The following MAP7D3 variants were observed in gnomAD, a reference collection of about 807,000 sequenced individuals.
MAP7D3 encodes the protein MAP7 domain-containing protein 3.
A neutral mutation model predicts 62.2 loss-of-function variants in MAP7D3; 45 were observed. The ratio of observed to expected loss-of-function variants is 0.72; its 90% CI spans 0.57 to 0.93. The LOEUF (loss-of-function observed/expected upper bound fraction) is 0.93, where lower values mean the gene tolerates loss of function less well. MAP7D3 is among the 40% of genes least tolerant of loss of function. The probability of loss-of-function intolerance (pLI) is 0.00; values close to 1 mark genes in which losing one functional copy is unlikely to be tolerated. For synonymous variants in MAP7D3, 288 were observed against 248.8 expected (o/e 1.16, Z -1.48); for missense variants, 711 against 683.1 (o/e 1.04, Z -0.45).
chrX:136,231,626 G>C lies in MAP7D3; in HGVS notation c.1331C>G (p.Ala444Gly). The part of the protein sequence containing the change: ...PKESMEASPE[A>G]MVKASPKTSL... Reference sequence around the variant, plus strand: ...TGTCTTGGGGGATGCTTTCACCATCGCCTCAGGAGATGCCTCCATGCTCTC... The same window carrying C: ...TGTCTTGGGGGATGCTTTCACCATCCCCTCAGGAGATGCCTCCATGCTCTC... The change falls in exon 8 of 19, where the codon GCG becomes GGG. Residue 444 changes from alanine (A) to glycine (G), a missense_variant. Coordinates refer to ENST00000316077, the MANE Select transcript of MAP7D3 (RefSeq NM_024597.4). 1 of 1,210,208 alleles carries C rather than the reference G, an allele frequency of 8.3e-7. No homozygotes were observed. Among genetic ancestry groups the C allele is most frequent in the Non-Finnish European group, 1.1e-6 (1 of 894,676 alleles).
intron 1 of MAP7D3, among the ~76,000 whole-genome samples, chrX:136,247,545 C>A (rs975681169): frequency 5.5e-5 from 6 of 109,088 alleles, no homozygotes; most frequent in South Asian, 4.0e-4. Context: ...TATTTTACAG[C>A]ATAATCTTGA....
At chrX:136,239,544 A>G (rs750311553) in intron 6 of MAP7D3, among the ~76,000 whole-genome samples, 47 of 112,215 alleles carry the variant, frequency 4.2e-4, no homozygotes, top group African/African-American at 1.4e-3. Flanking sequence ...AAATCACTGA[A>G]TTTCTTGGAG....
chrX:136,242,839 C>T (rs1170678888), intron 4 of MAP7D3, among the ~76,000 whole-genome samples: 1 of 112,012 alleles, frequency 8.9e-6, no homozygotes, highest in African/African-American at 3.2e-5. Context: ...CATTCTCTCT[C>T]TTTCTCTGGC....
Position 136,227,380 on chromosome X carries a change from T to G in MAP7D3, c.1938A>C (p.Ala646=). Residue 646 remains alanine (A), a synonymous_variant, in exon 12 of 19, where the codon GCA becomes GCC. Coordinates refer to ENST00000316077, the MANE Select transcript of MAP7D3 (RefSeq NM_024597.4). ...DMAKEAVGGQ[A]EDHLKLKDGQ... is the part of the protein sequence containing the mutation. ...CATCTTTGAGTTTCAAGTGGTCTTC[T>G]GCTTGGCCTCCAACTGCTTCCTTTG... 2 of 1,197,980 alleles carry G rather than the reference T, an allele frequency of 1.7e-6. No individual in the cohort carries two copies. The highest frequency in any genetic ancestry group is 3.5e-5 in the South Asian group (2 of 56,516).
Position 136,231,603 on chromosome X carries a change from T to C in MAP7D3, c.1354A>G (p.Thr452Ala). 8.3e-7 allele frequency: 1 copy of C among 1,210,102 alleles called. No individual in the cohort carries two copies. Among genetic ancestry groups the C allele is most frequent in the Non-Finnish European group, 1.1e-6 (1 of 894,882 alleles). Residue 452 changes from threonine (T) to alanine (A), a missense_variant, in exon 8 of 19, where the codon ACA becomes GCA. Transcript: ENST00000316077. ...GCTTCCATGCTTGCTTCAAGGGATG[T>C]CTTGGGGGATGCTTTCACCATCGCC... ...PEAMVKASPK[T>A]SLEASMEASP...
At chrX:136,255,202 G>A (rs1437135999), upstream of MAP7D3, among the ~76,000 whole-genome samples, 1 of 111,922 alleles carries the variant, frequency 8.9e-6, no homozygotes, top group Non-Finnish European at 1.9e-5. Flanking sequence ...GGCAACAAGA[G>A]CAAAACTCTG....
downstream of MAP7D3, chrX:136,214,250 C>T (rs5930900): frequency 0.48 from 52,655 of 110,393 alleles, 9,415 homozygotes; most frequent in East Asian, 0.7. Context: ...TGCCTAGGAC[C>T]CATCTGGAAA....
At chrX:136,224,958 C>T (rs1220791407) in intron 13 of MAP7D3, 78 bp from the exon 14 acceptor site, 2 of 665,726 alleles carry the variant, frequency 3.0e-6, no homozygotes, top group Non-Finnish European at 4.7e-6. Context: ...GTTGATTATC[C>T]CCATTTCACA....
At chrX:136,255,171 G>A (rs866237808), upstream of MAP7D3, among the ~76,000 whole-genome samples, 12 of 112,365 alleles carry the variant, frequency 1.1e-4, no homozygotes, top group African/African-American at 3.2e-4. Context: ...AGCTGAGATC[G>A]TGCTATTGCA....
chrX:136,227,446 ATAAT>A lies in MAP7D3; in HGVS notation c.1887-19_1887-16del. On this transcript the variant is annotated splice_polypyrimidine_tract_variant and intron_variant, in intron 11 of 18. Coordinates refer to ENST00000316077, the MANE Select transcript of MAP7D3 (RefSeq NM_024597.4). The stretch of plus-strand genomic sequence containing the variant: ...TCTTAATGACCCTGAGAGTATTTAA[ATAAT>A]TGTTAGTATTTATCTTGATTGCTAT... 8.6e-7 allele frequency: 1 copy of A among 1,162,717 alleles called. No individual in the cohort carries two copies. Among genetic ancestry groups the A allele is most frequent in the African/African-American group, 1.8e-5 (1 of 55,863 alleles).
At chrX:136,216,057 A>C (rs2074059187), downstream of MAP7D3, among the ~76,000 whole-genome samples, 1 of 111,597 alleles carries the variant, frequency 9.0e-6, no homozygotes, top group Admixed American at 9.6e-5. Flanking sequence ...TTTTATTGGG[A>C]TTAAAAAAAG....
rs2074278975 is a variant in MAP7D3 at position 136,232,139 on chromosome X, A to G, written c.818T>C (p.Met273Thr). ...TATTTTCATTGTCGACATGGGAAAC[A>G]TAACAGCCCTCAATTCGTCGCTAGT... ...KCTSDELRAV[M>T]FPMSTMKIPP... The change falls in exon 8 of 19, where the codon ATG (methionine) becomes ACG (threonine). Residue 273 changes from methionine to threonine, a missense_variant. By Grantham distance (81) the Met-to-Thr change is moderately conservative (BLOSUM62 -1). Transcript: ENST00000316077. 4 of 1,207,772 alleles carry G rather than the reference A, an allele frequency of 3.3e-6. No homozygotes were observed. The highest frequency in any genetic ancestry group is 4.5e-6 in the Non-Finnish European group (4 of 891,571).
At chrX:136,246,027 AATTC>A in intron 3 of MAP7D3, 34 bp downstream of exon 3, 2 of 995,794 alleles carry the variant, frequency 2.0e-6, no homozygotes, top group Non-Finnish European at 2.8e-6. Context: ...TATATAACAC[AATTC>A]ATTTTGATTT....
chrX:136,241,126 A>C, intron 5 of MAP7D3, 34 bp downstream of exon 5: 1 of 814,060 alleles, frequency 1.2e-6, no homozygotes, highest in Non-Finnish European at 1.8e-6. Context: ...CAAGAACATA[A>C]ACAAACTTAA....
At chrX:136,229,110 G>GTCA in intron 10 of MAP7D3, 1 of 118,789 alleles carries the variant, frequency 8.4e-6, no homozygotes. Flanking sequence ...CCAAACAAAG[G>GTCA]GTACAAATAT....
At chrX:136,229,141 T>C (rs1305307596) in intron 10 of MAP7D3, 22 of 113,744 alleles carry the variant, frequency 1.9e-4, no homozygotes, top group Non-Finnish European at 1.6e-4. Flanking sequence ...CAAACAAATA[T>C]GTATCTGGTA....
chrX:136,254,924 CAAAA>C (rs10653202), upstream of MAP7D3, among the ~76,000 whole-genome samples: 36 of 108,668 alleles, frequency 3.3e-4, no homozygotes, highest in Non-Finnish European at 5.7e-4. Flanking sequence ...AACAAACAAA[CAAAA>C]AAAACGGCTG....
downstream of MAP7D3, among the ~76,000 whole-genome samples, chrX:136,215,598 T>G (rs1255913581): frequency 3.6e-5 from 4 of 111,893 alleles, no homozygotes; most frequent in African/African-American, 1.3e-4. Flanking sequence ...GCACAATAAA[T>G]GTAATGCACT....
At chrX:136,249,489 C>T in intron 1 of MAP7D3, among the ~76,000 whole-genome samples, 1 of 112,168 alleles carries the variant, frequency 8.9e-6, no homozygotes, top group Non-Finnish European at 1.9e-5. Context: ...ATGCTACAAC[C>T]TCAGCACAGT....
Sources: allele counts gnomAD v4.1 joint callset (sites outside exome capture counted in the v4.1 genomes callset), GRCh38; gene constraint gnomAD v4.1.1; transcripts MANE v1.5; gene names NCBI Gene and HGNC (gene_info 2026-07-23, HGNC 2026-07-21).